EPB41L1: variants seen among roughly 807,000 people sequenced by gnomAD.
EPB41L1 encodes band 4.1-like protein 1.
In EPB41L1, 29 loss-of-function variants were observed where a neutral mutation model predicts 97.8. The observed-to-expected ratio is 0.30, with a 90% CI of 0.22 to 0.40. The LOEUF (loss-of-function observed/expected upper bound fraction) is 0.40, where lower values mean the gene tolerates loss of function less well. Among genes scored for constraint, EPB41L1 ranks in the 10% least tolerant of loss-of-function variants. The probability of loss-of-function intolerance (pLI) is 1.00; values close to 1 mark genes in which losing one functional copy is unlikely to be tolerated. For missense variants in EPB41L1, 812 were observed against 1,162.3 expected (o/e 0.70, Z 4.38); for synonymous variants, 383 against 459.2 (o/e 0.83, Z 2.12).
Position 36,092,504 on chromosome 20 carries a change from C to T in EPB41L1, c.-65+892C>T, listed in dbSNP as rs938116900. ...CCAGCTCCGGCGGCTCCGGCGGCTC[C>T]GGCGCTCCCCTGGTGTTGGCTGCTC... On this transcript the variant is annotated intron_variant, in intron 1 of 19. Transcript: ENST00000202028. This position sits in a 1 kb window ranked among gnomAD's most constrained non-coding sequence, Gnocchi z 7.0. Among the ~76,000 whole-genome samples, 2 of 151,924 alleles carry T rather than the reference C, an allele frequency of 1.3e-5. No homozygotes were observed. The highest frequency in any genetic ancestry group is 4.8e-5 in the African/African-American group (2 of 41,404).
chr20:36,220,052 G>A (rs1569367954), intron 19 of EPB41L1, among the ~76,000 whole-genome samples: 1 of 152,262 alleles, frequency 6.6e-6, no homozygotes, highest in Non-Finnish European at 1.5e-5. Flanking sequence ...GCCAGGCTAG[G>A]GGGAACAATA....
chr20:36,210,342 C>T (rs2063062210), intron 15 of EPB41L1, among the ~76,000 whole-genome samples: 1 of 152,020 alleles, frequency 6.6e-6, no homozygotes. Flanking sequence ...ATCCATCTGG[C>T]CCTGGGGTCT....
chr20:36,197,594 C>T, intron 13 of EPB41L1: 2 of 981,416 alleles, frequency 2.0e-6, no homozygotes. Context: ...GCTGTAGAGC[C>T]AGGCAAGGGA....
intron 19 of EPB41L1, 51 bp downstream of exon 19, chr20:36,219,895 GGTCATGACT>G: frequency 6.7e-7 from 1 of 1,494,000 alleles, no homozygotes; most frequent in Non-Finnish European, 9.3e-7. Flanking sequence ...CAGGCGAGAA[GGTCATGACT>G]GTTGTTCTGC....
chr20:36,136,863 T>C (rs1024988281), intron 2 of EPB41L1, among the ~76,000 whole-genome samples: 1 of 150,766 alleles, frequency 6.6e-6, no homozygotes, highest in Non-Finnish European at 1.5e-5. Context: ...GGATTACAGG[T>C]GTGAGCCTGA....
At chr20:36,177,019 T>C (rs1477474914) in intron 3 of EPB41L1, among the ~76,000 whole-genome samples, 1 of 152,180 alleles carries the variant, frequency 6.6e-6, no homozygotes, top group Admixed American at 6.5e-5. Context: ...CTCTCCTACC[T>C]TGATGGGCCC....
At chr20:36,133,194 C>T (rs1212142937) in intron 2 of EPB41L1, among the ~76,000 whole-genome samples, 2 of 152,272 alleles carry the variant, frequency 1.3e-5, no homozygotes, top group Non-Finnish European at 2.9e-5. Flanking sequence ...TGTTTCTGGC[C>T]TGGGACTGCC....
In EPB41L1 at chr20:36,093,486, C is replaced by A. The variant is rs1442456845; in HGVS notation, c.-65+1874C>A. ...GGGGCGGCGGTCCAGGCGCCGCCGC[C>A]GCTGGGAGCTGGGCACCTGGCCTGG... is the stretch of plus-strand genomic sequence containing the variant. On this transcript the variant is annotated intron_variant, in intron 1 of 19. Coordinates refer to the EPB41L1 transcript ENST00000202028. This position sits in a 1 kb window ranked among gnomAD's most constrained non-coding sequence, Gnocchi z 5.4. 6.6e-6 allele frequency among the ~76,000 whole-genome samples: 1 copy of A among 151,908 alleles called. No homozygotes were observed. Among genetic ancestry groups the A allele is most frequent in the Non-Finnish European group, 1.5e-5 (1 of 67,906 alleles).
intron 15 of EPB41L1, among the ~76,000 whole-genome samples, chr20:36,211,264 G>A (rs1390916976): frequency 6.6e-6 from 1 of 152,020 alleles, no homozygotes; most frequent in Non-Finnish European, 1.5e-5. Flanking sequence ...GCACCCACCT[G>A]TAATCCCAAC....
chr20:36,135,633 C>A (rs1159576706), intron 2 of EPB41L1, among the ~76,000 whole-genome samples: 1 of 152,260 alleles, frequency 6.6e-6, no homozygotes, highest in Admixed American at 6.5e-5. Flanking sequence ...CTCCTTCCTG[C>A]TTCCCTCTAC....
At chr20:36,180,037 G>T (rs560039329) in intron 5 of EPB41L1, among the ~76,000 whole-genome samples, 1 of 152,292 alleles carries the variant, frequency 6.6e-6, no homozygotes, top group African/African-American at 2.4e-5. Flanking sequence ...TGGACCAAAT[G>T]GTCAGGTCTC....
chr20:36,174,019 G>A, intron 2 of EPB41L1, 65 bp downstream of exon 2: 1 of 1,533,054 alleles, frequency 6.5e-7, no homozygotes, highest in Non-Finnish European at 8.9e-7. Flanking sequence ...CAGTTCTTAG[G>A]GCTCCAGTAT....
At chr20:36,191,260 C>G (rs570233994) in intron 11 of EPB41L1, among the ~76,000 whole-genome samples, 2 of 152,080 alleles carry the variant, frequency 1.3e-5, no homozygotes, top group African/African-American at 4.8e-5. Flanking sequence ...CAGTGTGGAG[C>G]TGATGATGCC....
rs992213212 is a variant in EPB41L1 at position 36,232,535 on chromosome 20, C to T, written c.*3195C>T. ...TTCCATCTGAGGGTACAGGAAGTACCAGGACCTGTTTCAGTTTTTGAATCC... is the reference window on the plus strand; with the variant it reads ...TTCCATCTGAGGGTACAGGAAGTACTAGGACCTGTTTCAGTTTTTGAATCC... On this transcript the variant is annotated 3_prime_UTR_variant, in exon 22 of 22. Transcript: ENST00000338074. 6 of 398,590 alleles carry T rather than the reference C, an allele frequency of 1.5e-5. No homozygotes were observed. The highest frequency in any genetic ancestry group is 1.3e-4 in the Admixed American group (3 of 22,708). 24.7% of individuals were successfully genotyped at this position (398,590 alleles called of 1,614,324 possible). A position where few individuals can be genotyped will look rare whatever the true frequency, so the allele number is the denominator to read the frequency against.
chr20:36,153,591 T>A (rs1227661863), upstream of EPB41L1, among the ~76,000 whole-genome samples: 2 of 152,162 alleles, frequency 1.3e-5, no homozygotes, highest in African/African-American at 4.8e-5. Flanking sequence ...ACAGAAATCT[T>A]TGGAGATCAT....
intron 1 of EPB41L1, among the ~76,000 whole-genome samples, chr20:36,099,169 G>A (rs866063869): frequency 3.3e-5 from 5 of 151,122 alleles, no homozygotes; most frequent in South Asian, 2.1e-4. Context: ...ACTCCGTCTC[G>A]AAAAAACAAA....
At chr20:36,153,797 G>T (rs1424704915), upstream of EPB41L1, among the ~76,000 whole-genome samples, 1 of 152,152 alleles carries the variant, frequency 6.6e-6, no homozygotes, top group Non-Finnish European at 1.5e-5. Context: ...TGTGGCTTGA[G>T]GTCCCCACCT....
chr20:36,132,022 A>G (rs1165473178), intron 2 of EPB41L1, among the ~76,000 whole-genome samples: 1 of 152,122 alleles, frequency 6.6e-6, no homozygotes, highest in African/African-American at 2.4e-5. Flanking sequence ...CCCCAGAGGT[A>G]TATCCAGGGG....
chr20:36,173,709 C>A, intron 1 of EPB41L1, 55 bp from the exon 2 acceptor site: 1 of 1,535,354 alleles, frequency 6.5e-7, no homozygotes, highest in Non-Finnish European at 9.0e-7. Flanking sequence ...GCCCCTCTCG[C>A]TGTCATACCA....
Sources: gnomAD v4.1 joint callset for allele counts (sites outside exome capture counted in the v4.1 genomes callset) on GRCh38, gnomAD v4.1.1 for gene constraint, Gnocchi (gnomAD v3.1) non-coding constraint, MANE v1.5 for transcripts, NCBI Gene and HGNC (gene_info 2026-07-23, HGNC 2026-07-21) for gene names.